The following MEF2C variants were observed in gnomAD, a reference collection of about 807,000 sequenced individuals.
MEF2C encodes the protein myocyte enhancer factor 2C.
A neutral mutation model predicts 50.5 loss-of-function variants in MEF2C; 6 were observed. The ratio of observed to expected loss-of-function variants is 0.12; its 90% CI spans 0.07 to 0.23. MEF2C has a LOEUF of 0.23. Ranked by LOEUF, MEF2C falls within the 10% of genes least tolerant of loss-of-function variation. The pLI is 1.00. For synonymous variants in MEF2C, 183 were observed against 228.0 expected (o/e 0.80, Z 1.78); for missense variants, 276 against 605.0 (o/e 0.46, Z 5.70).
At chr5:88,817,008 C>T (rs74638606) in intron 2 of MEF2C, among the ~76,000 whole-genome samples, 2,244 of 151,922 alleles carry the variant, frequency 0.015, 24 homozygotes, top group East Asian at 0.043. Context: ...ACTCACAAGT[C>T]TGGAAATTCT....
At chr5:88,793,738 G>A (rs528680273) in intron 3 of MEF2C, among the ~76,000 whole-genome samples, 6 of 152,188 alleles carry the variant, frequency 3.9e-5, no homozygotes, top group African/African-American at 1.4e-4. Flanking sequence ...GTGGTTTGCT[G>A]CGCCCATAAA....
At chr5:88,734,234 T>G (rs1762907744) in intron 6 of MEF2C, 4 of 985,344 alleles carry the variant, frequency 4.1e-6, no homozygotes, top group Non-Finnish European at 4.8e-6. Context: ...TGCTGTCAGC[T>G]GAAGGTCAGA....
chr5:88,878,756 TTA>T (rs1284846527), intron 1 of MEF2C, among the ~76,000 whole-genome samples: 1 of 151,984 alleles, frequency 6.6e-6, no homozygotes, highest in Admixed American at 6.6e-5. Context: ...GGAAAAAAAA[TTA>T]TATCTCTTTT....
At chr5:88,885,331 T>C (rs1490554877), upstream of MEF2C, among the ~76,000 whole-genome samples, 1 of 152,192 alleles carries the variant, frequency 6.6e-6, no homozygotes, top group Non-Finnish European at 1.5e-5. Flanking sequence ...GTTTATTTTA[T>C]AGGCAAGTAC....
chr5:88,794,627 C>A (rs1453633850), intron 3 of MEF2C, among the ~76,000 whole-genome samples: 2 of 152,262 alleles, frequency 1.3e-5, no homozygotes. Context: ...TTCTGCTGTG[C>A]AGAAGCTCTT....
At chr5:88,758,017 C>A (rs1776164529) in intron 4 of MEF2C, among the ~76,000 whole-genome samples, 1 of 152,222 alleles carries the variant, frequency 6.6e-6, no homozygotes, top group African/African-American at 2.4e-5. Context: ...CTGGCTCCAT[C>A]TGTAACACCT....
At chr5:88,838,234 T>C (rs1382452779) in intron 1 of MEF2C, among the ~76,000 whole-genome samples, 1 of 152,172 alleles carries the variant, frequency 6.6e-6, no homozygotes, top group African/African-American at 2.4e-5. Context: ...TTAAAATGAG[T>C]GTTCTTCAAC....
intron 8 of MEF2C, 142 bp downstream of exon 8, chr5:88,730,069 C>A (rs1233734995): frequency 1.1e-5 from 8 of 696,128 alleles, no homozygotes; most frequent in African/African-American, 3.7e-5. Context: ...GTGAGTGATG[C>A]CAGAAATTAA....
chr5:88,740,577 G>A (rs1216123410), intron 6 of MEF2C: 2 of 984,896 alleles, frequency 2.0e-6, no homozygotes, highest in Non-Finnish European at 2.4e-6. Context: ...CCAAAATGCA[G>A]GTTGCTACCA....
chr5:88,767,309 GCCAAGAA>G (rs1231099800), intron 3 of MEF2C, among the ~76,000 whole-genome samples: 2 of 152,174 alleles, frequency 1.3e-5, no homozygotes, highest in Non-Finnish European at 2.9e-5. Flanking sequence ...AAGATTAGAT[GCCAAGAA>G]ATTTCTCCAC....
In MEF2C at chr5:88,719,608, T is replaced by A. The variant is rs1180491218; in HGVS notation, c.*2996A>T. ...CAGGGCTCTGCCCTAAAGTCTGGAA[T>A]ACAAAGGATTTACTGTGATTAAAAA... On this transcript the variant is annotated 3_prime_UTR_variant, in exon 11 of 11. Transcript: ENST00000504921. The A allele has an allele frequency of 1.3e-5, 2 of 152,190 alleles. No homozygotes were observed. Among genetic ancestry groups the A allele is most frequent in the Non-Finnish European group, 2.9e-5 (2 of 67,998 alleles). 9.4% of individuals were successfully genotyped at this position (152,190 alleles called of 1,614,324 possible). A position where few individuals can be genotyped will look rare whatever the true frequency, so the allele number is the denominator to read the frequency against.
At chr5:88,844,386 T>A (rs540868957) in intron 1 of MEF2C, among the ~76,000 whole-genome samples, 1 of 152,342 alleles carries the variant, frequency 6.6e-6, no homozygotes, top group East Asian at 1.9e-4. Flanking sequence ...AATATTTTTA[T>A]CATGTTGTTT....
intron 1 of MEF2C, among the ~76,000 whole-genome samples, chr5:88,858,044 C>G (rs1240506329): frequency 6.6e-6 from 1 of 152,160 alleles, no homozygotes; most frequent in Non-Finnish European, 1.5e-5. Context: ...TGTTTTTAGA[C>G]TCATAAGAAT....
At chr5:88,832,017 T>C (rs1168634216) in intron 1 of MEF2C, among the ~76,000 whole-genome samples, 1 of 152,096 alleles carries the variant, frequency 6.6e-6, no homozygotes, top group Non-Finnish European at 1.5e-5. Flanking sequence ...CTTGGTTTAT[T>C]TTCTTAAAGC....
intron 1 of MEF2C, among the ~76,000 whole-genome samples, chr5:88,895,177 C>T (rs1440188348): frequency 1.3e-5 from 2 of 152,040 alleles, no homozygotes; most frequent in Non-Finnish European, 2.9e-5. Context: ...AAGATGTTTT[C>T]TTTTCTGTCA....
At chr5:88,765,029 A>C (rs1027871849) in intron 3 of MEF2C, among the ~76,000 whole-genome samples, 1 of 152,110 alleles carries the variant, frequency 6.6e-6, no homozygotes, top group African/African-American at 2.4e-5. Flanking sequence ...ATAAACTATT[A>C]AACAAACAAG....
chr5:88,850,106 C>CG (rs200867067), intron 1 of MEF2C, among the ~76,000 whole-genome samples: 1 of 149,592 alleles, frequency 6.7e-6, no homozygotes, highest in Non-Finnish European at 1.5e-5. Context: ...CCATAACAGG[C>CG]CCCGGTGTGT....
chr5:88,729,140 A>G, intron 9 of MEF2C, 78 bp downstream of exon 9: 1 of 1,558,154 alleles, frequency 6.4e-7, no homozygotes, highest in Non-Finnish European at 8.8e-7. Flanking sequence ...TTCCTAATAG[A>G]GTAAAAGATA....
intron 1 of MEF2C, among the ~76,000 whole-genome samples, chr5:88,872,644 C>T (rs1158227953): frequency 6.6e-6 from 1 of 151,952 alleles, no homozygotes; most frequent in Middle Eastern, 3.2e-3. Context: ...TTAATATTTA[C>T]TGATCATTTA....
Sources: gnomAD v4.1 joint callset for allele counts (sites outside exome capture counted in the v4.1 genomes callset) on GRCh38, gnomAD v4.1.1 for gene constraint, MANE v1.5 for transcripts, NCBI Gene and HGNC (gene_info 2026-07-23, HGNC 2026-07-21) for gene names.